EDRF1: variants seen among roughly 807,000 people sequenced by gnomAD.
EDRF1 encodes erythroid differentiation regulatory factor 1.
EDRF1 carries 69 observed loss-of-function variants against 148.7 expected under a neutral mutation model. The observed-to-expected ratio is 0.46, with a 90% CI of 0.38 to 0.57. The LOEUF is 0.57. Among genes scored for constraint, EDRF1 ranks in the 20% least tolerant of loss-of-function variants. The pLI is 0.00. For synonymous variants in EDRF1, 515 were observed against 532.8 expected (o/e 0.97, Z 0.46); for missense variants, 1,118 against 1,478.7 (o/e 0.76, Z 4.00).
At chr10:125,726,292 T>TA (rs1408906226) in intron 6 of EDRF1, among the ~76,000 whole-genome samples, 7 of 152,174 alleles carry the variant, frequency 4.6e-5, no homozygotes, top group Admixed American at 1.3e-4. Context: ...CTTTTTACCA[T>TA]AACTTTCAGT....
In EDRF1 at chr10:125,747,510, A is replaced by T. The variant is rs769919395; in HGVS notation, c.2815-26A>T. ...TGGTATATGTTTAAGCTGAGTCAGAAATGTACACTGTTTTCTCCTTTGCAG... is the reference window on the plus strand; with the variant it reads ...TGGTATATGTTTAAGCTGAGTCAGATATGTACACTGTTTTCTCCTTTGCAG... On this transcript the variant is annotated intron_variant, in intron 19 of 24. Transcript: ENST00000356792. 5.6e-6 allele frequency: 9 copies of T among 1,613,742 alleles called. No individual in the cohort carries two copies. The African/African-American group carries it at 1.2e-4, about 22-fold the overall frequency.
intron 17 of EDRF1, chr10:125,742,153 A>G: frequency 1.8e-6 from 2 of 1,102,456 alleles, no homozygotes; most frequent in Admixed American, 2.3e-5. Context: ...TAAAGTGATC[A>G]TTGTTTTTAA....
intron 19 of EDRF1, chr10:125,746,776 A>C (rs1356936736): frequency 6.6e-6 from 1 of 152,234 alleles, no homozygotes; most frequent in African/African-American, 2.4e-5. Context: ...TTTTTAGTGG[A>C]GATGAGGTTT....
chr10:125,747,519 T>A lies in EDRF1; in HGVS notation c.2815-17T>A, dbSNP rs187023115. On this transcript the variant is annotated splice_polypyrimidine_tract_variant and intron_variant, in intron 19 of 24. Coordinates refer to ENST00000356792, the MANE Select transcript of EDRF1 (RefSeq NM_001202438.2). The stretch of plus-strand genomic sequence containing the variant: ...TTTAAGCTGAGTCAGAAATGTACAC[T>A]GTTTTCTCCTTTGCAGGCTATTGAT... 2 of 1,614,132 alleles carry A rather than the reference T, an allele frequency of 1.2e-6. No individual in the cohort carries two copies. Among genetic ancestry groups the A allele is most frequent in the Admixed American group, 1.7e-5 (1 of 60,032 alleles).
chr10:125,733,757 G>C lies in EDRF1; in HGVS notation c.1385+14G>C. The stretch of plus-strand genomic sequence containing the variant: ...TCTCTTGTACAAGTGAGTGCTTTAA[G>C]AATTTAAGATGAAGAAGTAGCCTAT... On this transcript the variant is annotated intron_variant, in intron 11 of 24. Transcript: ENST00000356792. 4.4e-6 allele frequency: 7 copies of C among 1,596,124 alleles called. No individual in the cohort carries two copies. Among genetic ancestry groups the C allele is most frequent in the Non-Finnish European group, 6.0e-6 (7 of 1,163,994 alleles).
At chr10:125,738,038 T>A (rs1367568866) in intron 14 of EDRF1, 49 bp downstream of exon 14, 3 of 1,545,958 alleles carry the variant, frequency 1.9e-6, no homozygotes, top group Admixed American at 1.7e-5. Flanking sequence ...TGTACTTGAT[T>A]ATGCAAATTA....
rs993745710 is a variant in EDRF1 at position 125,722,990 on chromosome 10, T to C, written c.318-78T>C. The C allele has an allele frequency of 3.6e-6, 4 of 1,117,440 alleles. No homozygotes were observed. In the African/African-American group the frequency reaches 4.6e-5, roughly 13 times the overall value. The allele number at this position is 1,117,440 out of a possible 1,614,324, so 69.2% of individuals were successfully genotyped here. On this transcript the variant is annotated intron_variant, in intron 2 of 24. Transcript: ENST00000356792. ...AATGTGTATCCTAGAAGCAATGAGCTACAGTATTGTTATTAAGCTCTACTT... is the reference window on the plus strand; with the variant it reads ...AATGTGTATCCTAGAAGCAATGAGCCACAGTATTGTTATTAAGCTCTACTT...
rs77920264 is a variant in EDRF1 at position 125,742,399 on chromosome 10, C to A, written c.2372-659C>A. 5.0e-3 allele frequency: 5,687 copies of A among 1,131,432 alleles called. 146 individuals are homozygous for A. In the East Asian group the frequency reaches 0.098, roughly 19 times the overall value. The allele number at this position is 1,131,432 out of a possible 1,614,324, so 70.1% of individuals were successfully genotyped here. ...TTTATTATGCTCTTAAATTGTTATA[C>A]TGAATATTACTTGATGTTTGCCTCC... is the stretch of plus-strand genomic sequence containing the variant. On this transcript the variant is annotated intron_variant, in intron 17 of 24. Transcript: ENST00000356792.
chr10:125,732,455 C>T (rs1027888920), intron 9 of EDRF1, among the ~76,000 whole-genome samples: 1 of 152,078 alleles, frequency 6.6e-6, no homozygotes, highest in Non-Finnish European at 1.5e-5. Flanking sequence ...AAGTTGCAGC[C>T]ATTAGAGAAA....
intron 4 of EDRF1, 84 bp from the exon 5 acceptor site, chr10:125,725,234 G>A: frequency 6.6e-7 from 1 of 1,517,600 alleles, no homozygotes. Context: ...AAAAATAATA[G>A]GAGCCTTTTC....
rs540566160 is a variant in EDRF1, at chr10:125,731,086, G to A, written c.1128+687G>A. 2.0e-4 allele frequency among the ~76,000 whole-genome samples: 30 copies of A among 152,300 alleles called. 1 individual carries two copies. In the South Asian group the frequency reaches 5.6e-3, roughly 28 times the overall value. ...CACTTGAGCCCAGGAGTTTGAGGCT[G>A]CAGTGAGCTATGATCGTGCCACTGC... is the stretch of plus-strand genomic sequence containing the variant. On this transcript the variant is annotated intron_variant, in intron 9 of 24. Transcript: ENST00000356792.
chr10:125,728,191 C>CAAAAAAAA (rs36039615), intron 6 of EDRF1, among the ~76,000 whole-genome samples: 1 of 128,914 alleles, frequency 7.8e-6, no homozygotes. Context: ...AACTCTGTCT[C>CAAAAAAAA]AAAAAAAAAA....
rs1345368704 is a variant in EDRF1, at chr10:125,753,792, A to G, written c.3492A>G (p.Ser1164=). 1 of 1,613,738 alleles carries G rather than the reference A, an allele frequency of 6.2e-7. No individual in the cohort carries two copies. The highest frequency in any genetic ancestry group is 8.5e-7 in the Non-Finnish European group (1 of 1,180,012). The stretch of plus-strand genomic sequence containing the variant: ...TCAGTATATTTGAGTCTCGGTTGTC[A>G]TTTCTTCTCCTTCAGTCCATTAAAC... ...KLLSIFESRL[S]FLLLQSIKLL... The change falls in exon 24 of 25, where the codon TCA becomes TCG. Residue 1164 remains serine (S), a synonymous_variant. Coordinates refer to ENST00000356792, the MANE Select transcript of EDRF1 (RefSeq NM_001202438.2).
In EDRF1 at chr10:125,733,497, T is replaced by C. The variant is rs759728204; in HGVS notation, c.1222T>C (p.Ser408Pro). The part of the protein sequence containing the change: ...VIKDIAQNIL[S>P]FLKSNCTKEG... ...AAAAGACATTGCACAGAATATTTTA[T>C]CATTTTTGAAATCTAATTGTACCAA... The change falls in exon 10 of 25, where the codon TCA becomes CCA. Residue 408 changes from serine (S) to proline (P), a missense_variant. Physicochemically the swap from Ser to Pro is moderately conservative, Grantham distance 74 (BLOSUM62 -1). Transcript: ENST00000356792. 6.3e-7 allele frequency: 1 copy of C among 1,599,888 alleles called. No homozygotes were observed. Among genetic ancestry groups the C allele is most frequent in the East Asian group, 2.2e-5 (1 of 44,754 alleles).
rs1850287948 is a variant in EDRF1 at position 125,763,715 on chromosome 10, G to A, written c.*243G>A. 3.6e-6 allele frequency: 2 copies of A among 553,134 alleles called. No homozygotes were observed. The highest frequency in any genetic ancestry group is 6.3e-5 in the East Asian group (2 of 31,620). The allele number at this position is 553,134 out of a possible 1,614,324, so 34.3% of individuals were successfully genotyped here. On this transcript the variant is annotated 3_prime_UTR_variant, in exon 25 of 25. Transcript: ENST00000356792. This position sits in a 1 kb window ranked among gnomAD's most constrained non-coding sequence, Gnocchi z 4.3. ...CACTATTTATGTCTTTGAGAAGTAT[G>A]TAGTACCTCGGTATTAACAGACCTG...
At position 125,729,179 on chromosome 10, in the gene EDRF1, A is replaced by G. The variant is rs74162851; in HGVS notation, c.894+75A>G. On this transcript the variant is annotated intron_variant, in intron 7 of 24. Transcript: ENST00000356792. Reference sequence around the variant, plus strand: ...GTCATTTCAAAACTAGCCTAAGTCGAAATTGATAGGGAAAAACTCCACTTG... The same window carrying G: ...GTCATTTCAAAACTAGCCTAAGTCGGAATTGATAGGGAAAAACTCCACTTG... 6.8e-4 allele frequency: 1,005 copies of G among 1,483,854 alleles called. 8 individuals carry two copies. The African/African-American group carries it at 0.013, about 19-fold the overall frequency. The allele number at this position is 1,483,854 out of a possible 1,614,324, so 91.9% of individuals were successfully genotyped here.
chr10:125,757,141 T>TA (rs1849944289), intron 24 of EDRF1: 1 of 343,474 alleles, frequency 2.9e-6, no homozygotes, highest in Non-Finnish European at 5.6e-6. Context: ...AATCCAGTCT[T>TA]ACAATTGGTG....
chr10:125,733,215 T>C (rs1000880051), intron 9 of EDRF1, among the ~76,000 whole-genome samples, 189 bp from the exon 10 acceptor site: 1 of 152,182 alleles, frequency 6.6e-6, no homozygotes, highest in Non-Finnish European at 1.5e-5. Flanking sequence ...CTGCCCTTGC[T>C]GATGGGGTGG....
intron 6 of EDRF1, 97 bp from the exon 7 acceptor site, chr10:125,728,906 G>A: frequency 4.4e-6 from 4 of 909,364 alleles, no homozygotes; most frequent in Non-Finnish European, 6.5e-6. Flanking sequence ...TAGATTTGAA[G>A]TGTGTGCTTT....
Sources: allele counts gnomAD v4.1 joint callset (sites outside exome capture counted in the v4.1 genomes callset), GRCh38; gene constraint gnomAD v4.1.1; non-coding constraint Gnocchi (gnomAD v3.1); transcripts MANE v1.5; gene names NCBI Gene and HGNC (gene_info 2026-07-23, HGNC 2026-07-21).